The following ARMC9 variants were observed in gnomAD, a reference collection of about 807,000 sequenced individuals.
The protein encoded by ARMC9 is armadillo repeat containing 9.
A neutral mutation model predicts 107.0 loss-of-function variants in ARMC9; 94 were observed. The ratio of observed to expected loss-of-function variants is 0.88; its 90% confidence interval spans 0.74 to 1.04. The LOEUF is 1.04. ARMC9 is among the 50% of genes least tolerant of loss of function. The pLI is 0.00. For synonymous variants in ARMC9, 380 were observed against 396.9 expected, an observed-to-expected ratio of 0.96 and a Z score of 0.51; for missense variants, 942 against 1,030.1, an observed-to-expected ratio of 0.91 and a Z score of 1.17.
intron 7 of ARMC9, 82 bp downstream of exon 7, chr2:231,226,880 G>A (rs2034697827): frequency 6.8e-7 from 1 of 1,474,140 alleles, no homozygotes; most frequent in Non-Finnish European, 9.4e-7. Flanking sequence ...CAAAGATGGA[G>A]AGAATTCATG....
In ARMC9 at chr2:231,208,181, A is replaced by G. The variant is rs2032306918; in HGVS notation, c.106A>G (p.Lys36Glu). The change falls in exon 3 of 25, where the codon AAA (lysine) becomes GAA (glutamate). Residue 36 changes from lysine to glutamate, a missense_variant. By Grantham distance (56) the Lys-to-Glu change is moderately conservative (BLOSUM62 1). Transcript: ENST00000611582. ...CTTGAAAACATTTTCAAAAGAATGCAAAATAAAAGGAAAACCATTGTGTAA... is the reference window on the plus strand; with the variant it reads ...CTTGAAAACATTTTCAAAAGAATGCGAAATAAAAGGAAAACCATTGTGTAA... ...DTLKTFSKEC[K>E]IKGKPLCKTV... The G allele has an allele frequency of 6.2e-7, 1 of 1,609,108 alleles. No homozygotes were observed. The highest frequency in any genetic ancestry group is 8.5e-7 in the Non-Finnish European group (1 of 1,177,670).
At chr2:231,231,834 G>A (rs2035252801) in intron 7 of ARMC9, among the ~76,000 whole-genome samples, 1 of 151,780 alleles carries the variant, frequency 6.6e-6, no homozygotes, top group Admixed American at 6.6e-5. Flanking sequence ...GATTACAAGA[G>A]TGCGCCACCA....
intron 21 of ARMC9, among the ~76,000 whole-genome samples, chr2:231,352,458 C>A (rs191364311): frequency 4.5e-4 from 68 of 151,868 alleles, no homozygotes; most frequent in African/African-American, 1.6e-3. Context: ...TGCCACCACG[C>A]CCAGCTAATT....
rs2038458136 is a variant in ARMC9, at chr2:231,262,451, G to GA, written c.1119+54dup. 3 of 1,440,832 alleles carry GA rather than the reference G, an allele frequency of 2.1e-6. No individual in the cohort carries two copies. In the South Asian group the frequency reaches 3.4e-5, roughly 16 times the overall value. The allele number at this position is 1,440,832 out of a possible 1,614,324, so 89.3% of individuals were successfully genotyped here. On this transcript the variant is annotated intron_variant, in intron 12 of 24. Coordinates refer to ENST00000611582, the MANE Select transcript of ARMC9 (RefSeq NM_001352754.2). ...GCCAGGGCCTTCAATTCTAGGGAAT[G>GA]ATCTTAGCAGATGGGGGAAGCTTAT...
chr2:231,278,544 C>T (rs1220403847), intron 16 of ARMC9, 86 bp downstream of exon 16: 2 of 1,206,770 alleles, frequency 1.7e-6, no homozygotes, highest in East Asian at 2.4e-5. Context: ...CACAGCTGGC[C>T]CAGGATGGTT....
At chr2:231,309,109 C>T (rs2042195312) in intron 19 of ARMC9, among the ~76,000 whole-genome samples, 1 of 152,190 alleles carries the variant, frequency 6.6e-6, no homozygotes, top group Non-Finnish European at 1.5e-5. Context: ...CTTCTAAATT[C>T]GTTTATTTCT....
At chr2:231,337,262 G>A (rs1388444661) in intron 20 of ARMC9, among the ~76,000 whole-genome samples, 3 of 115,756 alleles carry the variant, frequency 2.6e-5, no homozygotes, top group Admixed American at 9.5e-5. Flanking sequence ...ATGTCTATAC[G>A]TGTGTGTGTA....
In ARMC9 at chr2:231,376,058, G is replaced by A. The variant is rs59096595; in HGVS notation, c.*4523G>A. ...TTCATGGACACTTATCACTTCCCCA[G>A]TCAATACCCTTGTGATTTCCTATGC... On this transcript the variant is annotated 3_prime_UTR_variant, in exon 25 of 25. Transcript: ENST00000611582. Among the ~76,000 whole-genome samples the A allele has an allele frequency of 0.11, 16,886 of 152,190 alleles. 3,089 individuals carry two copies. Among genetic ancestry groups the A allele is most frequent in the African/African-American group, 0.38 (15,821 of 41,468 alleles).
In ARMC9 at chr2:231,330,229, C is replaced by CTTTTTT. The variant is rs201716312; in HGVS notation, c.1774-1553_1774-1548dup. Among the ~76,000 whole-genome samples the CTTTTTT allele has an allele frequency of 2.2e-5, 3 of 134,836 alleles. 1 individual carries two copies. Among genetic ancestry groups the CTTTTTT allele is most frequent in the Non-Finnish European group, 4.7e-5 (3 of 64,066 alleles). The allele number at this position is 134,836 out of a possible 152,430, so 88.5% of individuals were successfully genotyped here. ...AGCGTGTTCAATTTTCTTTTTCTTT[C>CTTTTTT]TTTTTTTTTTTTTTTTGAGACGGAA... On this transcript the variant is annotated intron_variant, in intron 19 of 24. Coordinates refer to ENST00000611582, the MANE Select transcript of ARMC9 (RefSeq NM_001352754.2).
chr2:231,231,077 C>T (rs144273150), intron 7 of ARMC9, among the ~76,000 whole-genome samples: 114 of 152,286 alleles, frequency 7.5e-4, no homozygotes, highest in African/African-American at 2.6e-3. Context: ...GCAAAAGTTC[C>T]ACAGATAATC....
rs535163059 is a variant in ARMC9 at position 231,358,592 on chromosome 2, C to G, written c.2132-2162C>G. Among the ~76,000 whole-genome samples the G allele has an allele frequency of 6.6e-6, 1 of 152,306 alleles. No homozygotes were observed. The highest frequency in any genetic ancestry group is 1.9e-4 in the East Asian group (1 of 5,174). On this transcript the variant is annotated intron_variant, in intron 22 of 24. Coordinates refer to ENST00000611582, the MANE Select transcript of ARMC9 (RefSeq NM_001352754.2). This position sits in a 1 kb window ranked among gnomAD's most constrained non-coding sequence, Gnocchi z 4.5. The stretch of plus-strand genomic sequence containing the variant: ...GCACACAGCTCGCTGCTGAGTCTGG[C>G]CTGTGCTGGGAACTAACGCCCCACC...
rs912520602 is a variant in ARMC9, at chr2:231,355,856, C to T, written c.2053C>T (p.Gln685Ter). ...CCAGCACGCCAGAAACGGCCACCCG[C>T]AGGCCCTGCCAGCCGCTCACGAGGC... is the stretch of plus-strand genomic sequence containing the variant. ...TAQHARNGHP[Q>*]ALPAAHEAVY... The change falls in exon 22 of 25, where the codon CAG (glutamine) becomes TAG (stop). Residue 685 changes from glutamine to a stop codon, truncating the protein, a stop_gained. Coordinates refer to ENST00000611582, the MANE Select transcript of ARMC9 (RefSeq NM_001352754.2). LOFTEE classifies it high-confidence loss of function. 6.5e-7 allele frequency: 1 copy of T among 1,536,176 alleles called. No individual in the cohort carries two copies. The highest frequency in any genetic ancestry group is 8.7e-7 in the Non-Finnish European group (1 of 1,146,910).
At chr2:231,220,128 C>G (rs1213934300) in intron 5 of ARMC9, among the ~76,000 whole-genome samples, 1 of 152,180 alleles carries the variant, frequency 6.6e-6, no homozygotes, top group Non-Finnish European at 1.5e-5. Context: ...CATCTGCCTT[C>G]CAGTTCACAA....
chr2:231,351,053 G>A (rs1376311358), intron 21 of ARMC9, among the ~76,000 whole-genome samples: 1 of 124,310 alleles, frequency 8.0e-6, no homozygotes, highest in Non-Finnish European at 1.6e-5. Flanking sequence ...CCATCTCCCA[G>A]TTCACGCCAT....
chr2:231,269,398 C>CTTTTTTTTTTTTTTTTTTT (rs773618086), intron 12 of ARMC9, among the ~76,000 whole-genome samples: 1 of 112,402 alleles, frequency 8.9e-6, no homozygotes, highest in African/African-American at 3.9e-5. Context: ...TTTTCTTCTT[C>CTTTTTTTTTTTTTTTTTTT]TTTTTTTTTT....
chr2:231,303,743 G>T (rs1246400389), intron 19 of ARMC9, among the ~76,000 whole-genome samples: 2 of 152,094 alleles, frequency 1.3e-5, no homozygotes, highest in East Asian at 1.9e-4. Context: ...TTCAAGACCA[G>T]CCTGGCCAAC....
intron 19 of ARMC9, among the ~76,000 whole-genome samples, chr2:231,316,578 G>C (rs892333869): frequency 1.6e-4 from 24 of 149,898 alleles, no homozygotes; most frequent in African/African-American, 5.9e-4. Context: ...GAACCCAGGA[G>C]AATCACTTGA....
rs2045528488 is a variant in ARMC9 at position 231,360,606 on chromosome 2, A to G, written c.2132-148A>G. The G allele has an allele frequency of 1.5e-5, 19 of 1,292,522 alleles. No homozygotes were observed. In the South Asian group the frequency reaches 1.8e-4, roughly 12 times the overall value. The allele number at this position is 1,292,522 out of a possible 1,614,324, so 80.1% of individuals were successfully genotyped here. A position where few individuals can be genotyped will look rare whatever the true frequency, so the allele number is the denominator to read the frequency against. On this transcript the variant is annotated intron_variant, in intron 22 of 24. Coordinates refer to ENST00000611582, the MANE Select transcript of ARMC9 (RefSeq NM_001352754.2). This position sits in a 1 kb window ranked among gnomAD's most constrained non-coding sequence, Gnocchi z 4.7. ...AAGTTCCCGGGCTGCACGAGTAAAC[A>G]AGTATCCCAAGCCACAGGCGCCAGG...
intron 12 of ARMC9, among the ~76,000 whole-genome samples, chr2:231,262,909 G>A (rs72985806): frequency 0.047 from 7,155 of 152,250 alleles, 247 homozygotes; most frequent in Non-Finnish European, 0.073. Context: ...AAGTTACTCA[G>A]TCTCAGGCAC....
Sources: gnomAD v4.1 joint callset for allele counts (sites outside exome capture counted in the v4.1 genomes callset) on GRCh38, gnomAD v4.1.1 for gene constraint, Gnocchi (gnomAD v3.1) non-coding constraint, MANE v1.5 for transcripts, NCBI Gene and HGNC (gene_info 2026-07-23, HGNC 2026-07-21) for gene names.